The following ADK variants were observed in gnomAD, a reference collection of about 807,000 sequenced individuals.
ADK encodes the protein N6,N6-dimethyladenosine kinase.
In ADK, 24 loss-of-function variants were observed where a neutral mutation model predicts 44.7. The observed-to-expected ratio is 0.54, with a 90% CI of 0.39 to 0.76. The LOEUF is 0.76. Ranked by LOEUF, ADK falls within the 30% of genes least tolerant of loss-of-function variation. The pLI, the probability that ADK is intolerant of heterozygous loss-of-function variation, is 0.00. For synonymous variants in ADK, 128 were observed against 142.6 expected (o/e 0.90, Z 0.73); for missense variants, 321 against 425.1 (o/e 0.76, Z 2.15).
At chr10:74,187,518 T>A (rs1246919551) in intron 1 of ADK, among the ~76,000 whole-genome samples, 2 of 149,946 alleles carry the variant, frequency 1.3e-5, no homozygotes, top group Admixed American at 6.6e-5. Context: ...ACACACACAC[T>A]CTTTCTCTCT....
intron 1 of ADK, among the ~76,000 whole-genome samples, chr10:74,185,979 C>T (rs1842745956): frequency 6.6e-6 from 1 of 151,828 alleles, no homozygotes; most frequent in Admixed American, 6.6e-5. Context: ...CCCTGAGTAG[C>T]TGGGATTACA....
chr10:74,228,402 A>C (rs1844630093), intron 3 of ADK, among the ~76,000 whole-genome samples: 1 of 152,214 alleles, frequency 6.6e-6, no homozygotes, highest in African/African-American at 2.4e-5. Flanking sequence ...ATGATCCAGT[A>C]ATCAACTGGT....
intron 9 of ADK, among the ~76,000 whole-genome samples, chr10:74,633,678 C>G (rs535057871): frequency 2.6e-5 from 4 of 152,244 alleles, no homozygotes; most frequent in African/African-American, 9.6e-5. Flanking sequence ...AATTATAACT[C>G]TTAACAAAAT....
intron 8 of ADK, among the ~76,000 whole-genome samples, chr10:74,599,523 A>G (rs1334713988): frequency 5.9e-5 from 9 of 152,204 alleles, no homozygotes; most frequent in African/African-American, 2.2e-4. Flanking sequence ...TTGCATAGTG[A>G]TAGAATAAAC....
At chr10:74,461,048 T>C (rs1846157256) in intron 6 of ADK, among the ~76,000 whole-genome samples, 1 of 152,176 alleles carries the variant, frequency 6.6e-6, no homozygotes, top group South Asian at 2.1e-4. Flanking sequence ...AGTTTTCTGT[T>C]CTTAAATTTA....
At chr10:74,404,099 C>T (rs1843819142) in intron 6 of ADK, among the ~76,000 whole-genome samples, 2 of 151,128 alleles carry the variant, frequency 1.3e-5, no homozygotes, top group Admixed American at 1.3e-4. Flanking sequence ...GTCTCGATCT[C>T]CTGACCTCAT....
chr10:74,654,552 T>C (rs916876783), intron 9 of ADK, among the ~76,000 whole-genome samples: 4 of 152,248 alleles, frequency 2.6e-5, no homozygotes, highest in African/African-American at 9.6e-5. Flanking sequence ...GGCACATGCC[T>C]ATAATCCCAG....
chr10:74,695,646 G>C (rs980200676), intron 10 of ADK, among the ~76,000 whole-genome samples: 4 of 151,476 alleles, frequency 2.6e-5, no homozygotes, highest in African/African-American at 9.7e-5. Flanking sequence ...GTGTGTGTGT[G>C]TGTGTGTGTG....
chr10:74,264,702 T>TG (rs1434009135), intron 3 of ADK, among the ~76,000 whole-genome samples: 2 of 152,188 alleles, frequency 1.3e-5, no homozygotes, highest in East Asian at 3.8e-4. Context: ...TACTTCCTAC[T>TG]CTAAGGTCAG....
At chr10:74,487,367 T>C (rs1847303090) in intron 6 of ADK, among the ~76,000 whole-genome samples, 2 of 152,036 alleles carry the variant, frequency 1.3e-5, no homozygotes, top group Admixed American at 6.6e-5. Flanking sequence ...ATTAATGTTT[T>C]ATTAAACAGA....
chr10:74,608,058 G>A lies in ADK; in HGVS notation c.877+7565G>A, dbSNP rs576764726. Among the ~76,000 whole-genome samples the A allele has an allele frequency of 2.4e-3, 358 of 151,568 alleles. 3 individuals are homozygous for A. The highest frequency in any genetic ancestry group is 6.3e-3 in the Admixed American group (96 of 15,194). On this transcript the variant is annotated intron_variant, in intron 9 of 10. Coordinates refer to ENST00000539909, the MANE Select transcript of ADK (RefSeq NM_006721.4). ...TTTGTGTATGCTTCACGAAGTGTTC[G>A]TTCTGTGTTTTTCAGCTCTATCAGG... is the stretch of plus-strand genomic sequence containing the variant.
Position 74,286,000 on chromosome 10 carries a change from A to AT in ADK, c.195-28666dup, listed in dbSNP as rs1437362039. ...TCCTTAAGGTCTTAATAGTCTCTGAATAAATATTGGTATAAGCTGCTTCCT... is the reference window on the plus strand; with the variant it reads ...TCCTTAAGGTCTTAATAGTCTCTGAATTAAATATTGGTATAAGCTGCTTCCT... On this transcript the variant is annotated intron_variant, in intron 3 of 10. Transcript: ENST00000539909. Among the ~76,000 whole-genome samples the AT allele has an allele frequency of 2.0e-5, 3 of 152,194 alleles. No individual in the cohort carries two copies. In the East Asian group the frequency reaches 5.8e-4, roughly 29 times the overall value.
chr10:74,395,992 C>A (rs1592148494), intron 5 of ADK, among the ~76,000 whole-genome samples: 1 of 152,126 alleles, frequency 6.6e-6, no homozygotes, highest in Admixed American at 6.5e-5. Context: ...GCCTGGGCAA[C>A]AGAGCAAGAT....
intron 7 of ADK, among the ~76,000 whole-genome samples, chr10:74,530,303 A>G (rs568398147): frequency 1.3e-5 from 2 of 152,264 alleles, no homozygotes; most frequent in South Asian, 4.1e-4. Flanking sequence ...CAGAGAATAT[A>G]CGTAGGATTC....
At chr10:74,173,452 T>C (rs1196737824) in intron 1 of ADK, among the ~76,000 whole-genome samples, 2 of 148,696 alleles carry the variant, frequency 1.3e-5, no homozygotes, top group South Asian at 4.3e-4. Context: ...TCTTTTGAGA[T>C]GGAGTCTTGC....
chr10:74,281,920 T>A (rs762443751), intron 3 of ADK, among the ~76,000 whole-genome samples: 3 of 152,236 alleles, frequency 2.0e-5, no homozygotes, highest in Non-Finnish European at 4.4e-5. Flanking sequence ...TTGGTATGAT[T>A]CAGGTTGACC....
intron 3 of ADK, among the ~76,000 whole-genome samples, chr10:74,261,448 T>G (rs1346940452): frequency 6.6e-6 from 1 of 152,248 alleles, no homozygotes; most frequent in African/African-American, 2.4e-5. Context: ...CTTCCCTTTG[T>G]TGCTCTTTTG....
intron 2 of ADK, among the ~76,000 whole-genome samples, chr10:74,201,207 T>C (rs1004258096): frequency 6.6e-6 from 1 of 152,328 alleles, no homozygotes; most frequent in African/African-American, 2.4e-5. Context: ...TCTGGTTTCC[T>C]CTCAGAAGCT....
chr10:74,651,597 A>G (rs6480745), intron 9 of ADK, among the ~76,000 whole-genome samples: 71,126 of 152,004 alleles, frequency 0.47, 19,447 homozygotes, highest in East Asian at 0.8. Context: ...GATGAAGGTT[A>G]TTTAAAACAG....
Sources: gnomAD v4.1 joint callset for allele counts (sites outside exome capture counted in the v4.1 genomes callset) on GRCh38, gnomAD v4.1.1 for gene constraint, MANE v1.5 for transcripts, NCBI Gene and HGNC (gene_info 2026-07-23, HGNC 2026-07-21) for gene names.